The following ADGRL3 variants were observed in gnomAD, a reference collection of about 807,000 sequenced individuals.
ADGRL3 encodes adhesion G protein-coupled receptor L3.
In ADGRL3, 62 loss-of-function variants were observed where a neutral mutation model predicts 153.5. That is an observed-to-expected ratio of 0.40 (90% CI 0.33 to 0.50). The LOEUF (loss-of-function observed/expected upper bound fraction) is 0.50, where lower values mean the gene tolerates loss of function less well. ADGRL3 is among the 20% of genes least tolerant of loss of function. The pLI, the probability that ADGRL3 is intolerant of heterozygous loss-of-function variation, is 0.47. For missense variants in ADGRL3, 1,641 were observed against 1,859.4 expected (o/e 0.88, Z 2.16); for synonymous variants, 710 against 672.5 (o/e 1.06, Z -0.86).
At chr4:62,010,814 A>G (rs1270373385) in intron 21 of ADGRL3, among the ~76,000 whole-genome samples, 1 of 152,114 alleles carries the variant, frequency 6.6e-6, no homozygotes, top group Non-Finnish European at 1.5e-5. Flanking sequence ...TTAGTGAAAG[A>G]ATCCAGTTAT....
chr4:61,395,253 A>G (rs1461851130), intron 2 of ADGRL3, among the ~76,000 whole-genome samples: 1 of 152,018 alleles, frequency 6.6e-6, no homozygotes, highest in Non-Finnish European at 1.5e-5. Context: ...TTACACCAGT[A>G]TCAGTCAGTA....
intron 1 of ADGRL3, among the ~76,000 whole-genome samples, chr4:61,356,350 C>A (rs2096168728): frequency 6.6e-6 from 1 of 151,880 alleles, no homozygotes; most frequent in African/African-American, 2.4e-5. Flanking sequence ...ACATCAAATG[C>A]ACTGTCTAGG....
chr4:61,713,912 G>A (rs141895108), intron 6 of ADGRL3, among the ~76,000 whole-genome samples: 1,786 of 152,200 alleles, frequency 0.012, 20 homozygotes, highest in Middle Eastern at 0.024. Context: ...GTGTATCTAA[G>A]CTGTTTGTGA....
intron 2 of ADGRL3, among the ~76,000 whole-genome samples, chr4:61,466,825 T>G (rs2097890375): frequency 6.6e-6 from 1 of 152,120 alleles, no homozygotes; most frequent in South Asian, 2.1e-4. Context: ...TCAGCTTTGG[T>G]TATTTTAGAC....
Position 61,290,061 on chromosome 4 carries a change from A to C in ADGRL3, c.-240+88296A>C, listed in dbSNP as rs947390125. On this transcript the variant is annotated intron_variant, in intron 1 of 26. Transcript: ENST00000683033. ...AAAATGGAAAACAAATAAACAGAAC[A>C]TACCTCCCCTATGAAGGAAGTATTG... Among the ~76,000 whole-genome samples the C allele has an allele frequency of 3.9e-5, 6 of 152,208 alleles. No individual in the cohort carries two copies. The East Asian group carries it at 1.2e-3, about 29-fold the overall frequency.
intron 25 of ADGRL3, among the ~76,000 whole-genome samples, chr4:62,063,119 G>T (rs1307258829): frequency 6.6e-6 from 1 of 151,846 alleles, no homozygotes; most frequent in Non-Finnish European, 1.5e-5. Flanking sequence ...GCTTTTTTGT[G>T]TGTGTTTTAA....
intron 13 of ADGRL3, among the ~76,000 whole-genome samples, chr4:61,920,067 C>T (rs963459791): frequency 1.3e-5 from 2 of 152,110 alleles, no homozygotes; most frequent in Non-Finnish European, 2.9e-5. Flanking sequence ...TGATCAAAGC[C>T]TGGGCCATTA....
chr4:61,984,301 G>A (rs576438504), intron 19 of ADGRL3, among the ~76,000 whole-genome samples: 1 of 151,998 alleles, frequency 6.6e-6, no homozygotes, highest in Non-Finnish European at 1.5e-5. Flanking sequence ...ACTAGACCCA[G>A]GACTAAAAAA....
At chr4:61,349,255 G>A (rs538455785) in intron 1 of ADGRL3, among the ~76,000 whole-genome samples, 1 of 152,142 alleles carries the variant, frequency 6.6e-6, no homozygotes, top group South Asian at 2.1e-4. Flanking sequence ...GTTCAGAAAT[G>A]TGTTCCATCA....
At position 61,535,064 on chromosome 4, in the gene ADGRL3, G is replaced by C. The variant is rs1316611174; in HGVS notation, c.259+17546G>C. 2.0e-5 allele frequency among the ~76,000 whole-genome samples: 3 copies of C among 151,666 alleles called. No individual in the cohort carries two copies. In the East Asian group the frequency reaches 5.8e-4, roughly 29 times the overall value. The stretch of plus-strand genomic sequence containing the variant: ...CTTTTACCCATTCAGTATAATGTTG[G>C]CCATTAGTTTGTCATATATGGCTCA... On this transcript the variant is annotated intron_variant, in intron 4 of 26. Transcript: ENST00000683033.
chr4:61,996,866 A>G (rs562749548), intron 20 of ADGRL3, among the ~76,000 whole-genome samples: 1 of 152,260 alleles, frequency 6.6e-6, no homozygotes, highest in South Asian at 2.1e-4. Flanking sequence ...TTCTGGAATC[A>G]TGCTTCCTTT....
intron 11 of ADGRL3, among the ~76,000 whole-genome samples, chr4:61,903,855 C>A (rs1242955819): frequency 6.6e-6 from 1 of 151,906 alleles, no homozygotes; most frequent in Admixed American, 6.6e-5. Flanking sequence ...TCACTATAAC[C>A]TCAACCTCTC....
chr4:62,029,900 G>T (rs186890800), intron 22 of ADGRL3, among the ~76,000 whole-genome samples: 1 of 151,328 alleles, frequency 6.6e-6, no homozygotes, highest in Admixed American at 6.6e-5. Context: ...TCCATAAGAA[G>T]CTGAGAGCTT....
At chr4:61,690,388 T>A (rs912592843) in intron 6 of ADGRL3, among the ~76,000 whole-genome samples, 1 of 151,868 alleles carries the variant, frequency 6.6e-6, no homozygotes, top group African/African-American at 2.4e-5. Flanking sequence ...GGTTGCAGTG[T>A]CATACCACTG....
intron 1 of ADGRL3, among the ~76,000 whole-genome samples, chr4:61,250,717 A>C (rs1505672): frequency 6.6e-6 from 1 of 152,072 alleles, no homozygotes; most frequent in African/African-American, 2.4e-5. Flanking sequence ...ATCTCAAATG[A>C]GCTGTGTGTT....
rs144109273 is a variant in ADGRL3 at position 62,076,124 on chromosome 4, C to T, written c.*5216C>T. ...ATAAAACAGGTAGTTAATATAGTTT[C>T]GCATAATCTCATTGAAAGATATTGC... On this transcript the variant is annotated 3_prime_UTR_variant, in exon 27 of 27. Coordinates refer to ENST00000683033, the MANE Select transcript of ADGRL3 (RefSeq NM_001387552.1). 16 of 152,038 alleles carry T rather than the reference C, an allele frequency of 1.1e-4. No homozygotes were observed. Among genetic ancestry groups the T allele is most frequent in the East Asian group, 5.8e-4 (3 of 5,160 alleles). 9.4% of individuals were successfully genotyped at this position (152,038 alleles called of 1,614,324 possible). A position where few individuals can be genotyped will look rare whatever the true frequency, so the allele number is the denominator to read the frequency against.
chr4:61,455,563 G>A (rs370486080), intron 2 of ADGRL3, among the ~76,000 whole-genome samples: 10 of 152,150 alleles, frequency 6.6e-5, no homozygotes, highest in African/African-American at 1.9e-4. Flanking sequence ...CTGCTGGGAA[G>A]AAGTAGGCAA....
intron 1 of ADGRL3, among the ~76,000 whole-genome samples, chr4:61,382,838 A>G (rs2096686778): frequency 6.6e-6 from 1 of 151,862 alleles, no homozygotes; most frequent in Admixed American, 6.6e-5. Flanking sequence ...AATTTATATT[A>G]AAAACTGTTA....
intron 8 of ADGRL3, among the ~76,000 whole-genome samples, chr4:61,766,777 A>G (rs932112502): frequency 2.6e-5 from 4 of 151,626 alleles, no homozygotes; most frequent in African/African-American, 9.7e-5. Flanking sequence ...CAAAGAAAGC[A>G]TGTTTGAGAT....
Sources: gnomAD v4.1 joint callset for allele counts (sites outside exome capture counted in the v4.1 genomes callset) on GRCh38, gnomAD v4.1.1 for gene constraint, MANE v1.5 for transcripts, NCBI Gene and HGNC (gene_info 2026-07-23, HGNC 2026-07-21) for gene names.